The following KIAA0232 variants were observed in gnomAD, a reference collection of about 807,000 sequenced individuals.
KIAA0232 encodes uncharacterized protein KIAA0232.
KIAA0232 carries 27 observed loss-of-function variants against 122.0 expected under a neutral mutation model. That is an observed-to-expected ratio of 0.22 (90% CI 0.16 to 0.31). KIAA0232 has a LOEUF of 0.31. KIAA0232 is among the 10% of genes least tolerant of loss of function. KIAA0232 has a pLI of 1.00. For synonymous variants in KIAA0232, 613 were observed against 587.6 expected, an observed-to-expected ratio of 1.04 and a Z score of -0.63; for missense variants, 1,551 against 1,634.2, an observed-to-expected ratio of 0.95 and a Z score of 0.88.
At chr4:6,840,838 A>G (rs1465993102) in intron 3 of KIAA0232, among the ~76,000 whole-genome samples, 1 of 152,018 alleles carries the variant, frequency 6.6e-6, no homozygotes, top group Non-Finnish European at 1.5e-5. Flanking sequence ...TTTTAATAGT[A>G]CAGGATAGGA....
chr4:6,871,542 A>C (rs1721484845), intron 7 of KIAA0232, 32 bp from the exon 8 acceptor site: 2 of 1,272,748 alleles, frequency 1.6e-6, no homozygotes, highest in Non-Finnish European at 2.3e-6. Flanking sequence ...AAAGTTTATA[A>C]ACTTTTTCTG....
rs1479510194 is a variant in KIAA0232 at position 6,855,798 on chromosome 4, TA to T, written c.370-1365del. The T allele has an allele frequency of 1.0e-6, 1 of 978,868 alleles. No homozygotes were observed. The highest frequency in any genetic ancestry group is 1.2e-6 in the Non-Finnish European group (1 of 824,078). The allele number at this position is 978,868 out of a possible 1,614,324, so 60.6% of individuals were successfully genotyped here. ...GAAACCTAGTGACATAGGCTTGCTG[TA>T]CAGAACAGTATGCAGTGTGTCAGCT... On this transcript the variant is annotated intron_variant, in intron 4 of 9. Transcript: ENST00000307659. The surrounding 1 kb of genome is among the most constrained non-coding windows in gnomAD (Gnocchi z 4.3).
At chr4:6,806,004 T>C (rs568678093) in intron 2 of KIAA0232, among the ~76,000 whole-genome samples, 1 of 152,342 alleles carries the variant, frequency 6.6e-6, no homozygotes, top group Admixed American at 6.5e-5. Context: ...TATTTTGTTA[T>C]CTTTTGCAAG....
intron 7 of KIAA0232, among the ~76,000 whole-genome samples, chr4:6,870,499 G>C (rs745455411): frequency 5.3e-5 from 8 of 152,196 alleles, no homozygotes; most frequent in Non-Finnish European, 1.2e-4. Flanking sequence ...GTCAATAACT[G>C]TGCCTATAAG....
chr4:6,843,380 T>A (rs1282614736), intron 4 of KIAA0232, among the ~76,000 whole-genome samples: 1 of 152,222 alleles, frequency 6.6e-6, no homozygotes, highest in Non-Finnish European at 1.5e-5. Flanking sequence ...TCTTTGACAA[T>A]CTGCAGAAGT....
intron 7 of KIAA0232, chr4:6,866,097 C>A (rs1342067526): frequency 2.9e-5 from 10 of 343,854 alleles, no homozygotes; most frequent in African/African-American, 4.5e-5. Flanking sequence ...TAAGAAAAAA[C>A]CCAATAATAT....
chr4:6,799,844 G>A (rs1373293162), intron 1 of KIAA0232, among the ~76,000 whole-genome samples: 3 of 151,594 alleles, frequency 2.0e-5, no homozygotes, highest in Non-Finnish European at 2.9e-5. Flanking sequence ...ACAGGTGCCC[G>A]CCACCACTCC....
chr4:6,857,032 G>A lies in KIAA0232; in HGVS notation c.370-132G>A, dbSNP rs73080542. 5.7e-3 allele frequency: 3,095 copies of A among 544,590 alleles called. 69 individuals are homozygous for A. The highest frequency in any genetic ancestry group is 0.053 in the African/African-American group (2,713 of 51,622). The allele number at this position is 544,590 out of a possible 1,614,324, so 33.7% of individuals were successfully genotyped here. A position where few individuals can be genotyped will look rare whatever the true frequency, so the allele number is the denominator to read the frequency against. The stretch of plus-strand genomic sequence containing the variant: ...ATAATTTTTAAACTGTAGTATTCAC[G>A]TAAATATTGGTAAGATATTTATTTT... On this transcript the variant is annotated intron_variant, in intron 4 of 9. Transcript: ENST00000307659.
At chr4:6,851,601 T>A (rs1485006132) in intron 4 of KIAA0232, among the ~76,000 whole-genome samples, 1 of 151,330 alleles carries the variant, frequency 6.6e-6, no homozygotes, top group Admixed American at 6.6e-5. Flanking sequence ...AGTCCCCAGC[T>A]ACTTGGGAGG....
At chr4:6,832,551 G>A (rs1719051538) in intron 3 of KIAA0232, among the ~76,000 whole-genome samples, 1 of 152,112 alleles carries the variant, frequency 6.6e-6, no homozygotes, top group Admixed American at 6.6e-5. Context: ...GTTTCACCAT[G>A]TGGGCCAGGC....
chr4:6,850,724 T>TG (rs916356447), intron 4 of KIAA0232, among the ~76,000 whole-genome samples: 1 of 151,756 alleles, frequency 6.6e-6, no homozygotes, highest in Non-Finnish European at 1.5e-5. Context: ...TGGAGTGCAG[T>TG]GGCGTTATCT....
intron 4 of KIAA0232, among the ~76,000 whole-genome samples, chr4:6,847,412 T>C (rs1480124987): frequency 6.6e-6 from 1 of 152,236 alleles, no homozygotes; most frequent in African/African-American, 2.4e-5. Context: ...CTCAGCTCAT[T>C]ATTTTATGAG....
At chr4:6,821,397 C>T (rs1478157422) in intron 2 of KIAA0232, among the ~76,000 whole-genome samples, 1 of 151,952 alleles carries the variant, frequency 6.6e-6, no homozygotes, top group Non-Finnish European at 1.5e-5. Context: ...CCTGAATTTC[C>T]AAAGTCCACT....
At position 6,862,403 on chromosome 4, in the gene KIAA0232, C is replaced by G. The variant is rs763855659; in HGVS notation, c.2021C>G (p.Thr674Arg). 1.9e-6 allele frequency: 3 copies of G among 1,614,060 alleles called. No individual in the cohort carries two copies. Among genetic ancestry groups the G allele is most frequent in the Admixed American group, 1.7e-5 (1 of 60,018 alleles). The change falls in exon 7 of 10, where the codon ACA (threonine) becomes AGA (arginine). Residue 674 changes from threonine to arginine, a missense_variant. Physicochemically the swap from Thr to Arg is moderately conservative, Grantham distance 71. Around this residue, in one of 5 missense-constraint regions of KIAA0232, gnomAD observed 1,108 missense variants for 1,154.8 expected, o/e 0.96. Transcript: ENST00000307659. ...FETLNLGNEN[T>R]DSSANMLGKT... is the part of the protein sequence containing the mutation. Reference sequence around the variant, plus strand: ...ACACTCAACTTGGGAAATGAAAATACAGATTCTAGTGCTAATATGCTTGGG... The same window carrying G: ...ACACTCAACTTGGGAAATGAAAATAGAGATTCTAGTGCTAATATGCTTGGG...
At chr4:6,832,009 G>A (rs1252432710) in intron 3 of KIAA0232, among the ~76,000 whole-genome samples, 1 of 152,214 alleles carries the variant, frequency 6.6e-6, no homozygotes, top group African/African-American at 2.4e-5. Context: ...TGGCACCTCA[G>A]CAGGGCTCTG....
chr4:6,880,926 GC>G lies in KIAA0232; in HGVS notation c.4151del (p.Pro1384LeufsTer17), dbSNP rs779437291. 2 of 1,592,406 alleles carry G rather than the reference GC, an allele frequency of 1.3e-6. No homozygotes were observed. Among genetic ancestry groups the G allele is most frequent in the Admixed American group, 3.5e-5 (2 of 56,774 alleles). ...TCAGAAGGCGGAGGCGAGTGGGTGG[GC>G]CCTAGTGAAGAGGAGCTCTTTTCTC... ...TGSEGGGEWV[G>X]PSEEELFSRT... On this transcript the variant is annotated frameshift_variant, in exon 10 of 10. Transcript: ENST00000307659. LOFTEE classifies it high-confidence loss of function.
intron 1 of KIAA0232, among the ~76,000 whole-genome samples, chr4:6,788,036 C>G (rs1218974496): frequency 6.6e-6 from 1 of 152,150 alleles, no homozygotes; most frequent in Admixed American, 6.6e-5. Context: ...TGGATCTCTT[C>G]TTTTTCGTTT....
At chr4:6,851,010 G>A (rs1216315877) in intron 4 of KIAA0232, among the ~76,000 whole-genome samples, 1 of 152,204 alleles carries the variant, frequency 6.6e-6, no homozygotes, top group Non-Finnish European at 1.5e-5. Context: ...CGTATGTACA[G>A]TACTTTTTCT....
At chr4:6,825,896 C>G (rs1718653844) in intron 3 of KIAA0232, among the ~76,000 whole-genome samples, 1 of 152,126 alleles carries the variant, frequency 6.6e-6, no homozygotes, top group South Asian at 2.1e-4. Flanking sequence ...CCCCTCCAGA[C>G]CACACAAAAA....
Sources: gnomAD v4.1 joint callset for allele counts (sites outside exome capture counted in the v4.1 genomes callset) on GRCh38, gnomAD v4.1.1 for gene constraint, gnomAD v4.1.1 regional missense constraint, Gnocchi (gnomAD v3.1) non-coding constraint, MANE v1.5 for transcripts, NCBI Gene and HGNC (gene_info 2026-07-23, HGNC 2026-07-21) for gene names.